Variants in DMD observed in about 807,000 individuals in gnomAD.
The protein encoded by DMD is dystrophin.
A neutral mutation model predicts 330.1 loss-of-function variants in DMD; 63 were observed. The ratio of observed to expected loss-of-function variants is 0.19; its 90% CI spans 0.16 to 0.24. DMD has a LOEUF of 0.24. DMD is among the 10% of genes least tolerant of loss of function. The pLI is 1.00. For synonymous variants in DMD, 1,223 were observed against 959.8 expected (o/e 1.27, Z -5.07); for missense variants, 3,344 against 2,684.1 (o/e 1.25, Z -5.43).
chrX:31,611,272 G>A (rs774792396), intron 55 of DMD, among the ~76,000 whole-genome samples: 4 of 110,066 alleles, frequency 3.6e-5, no homozygotes, highest in South Asian at 3.9e-4. Flanking sequence ...GATGGTGTCC[G>A]TGGTATGTAA....
chrX:32,557,325 T>C (rs1387327299), intron 16 of DMD, among the ~76,000 whole-genome samples: 1 of 111,974 alleles, frequency 8.9e-6, no homozygotes, highest in Non-Finnish European at 1.9e-5. Flanking sequence ...CACACATATA[T>C]AAATTCAGAA....
At chrX:32,319,082 T>C (rs1168573225) in intron 41 of DMD, among the ~76,000 whole-genome samples, 1 of 111,838 alleles carries the variant, frequency 8.9e-6, no homozygotes, top group East Asian at 2.8e-4. Context: ...GTTTAAAGTC[T>C]TTCGTTTCAA....
intron 44 of DMD, among the ~76,000 whole-genome samples, chrX:32,200,035 T>G (rs2147705766): frequency 9.0e-6 from 1 of 111,252 alleles, no homozygotes; most frequent in South Asian, 3.8e-4. Flanking sequence ...GATATTGAAC[T>G]TCTTTTCATT....
chrX:32,700,611 G>A (rs897118844), intron 7 of DMD, among the ~76,000 whole-genome samples: 1 of 111,651 alleles, frequency 9.0e-6, no homozygotes, highest in African/African-American at 3.2e-5. Flanking sequence ...TTAGTTCAAT[G>A]TAGCCATTCC....
At chrX:32,596,536 C>CT (rs34125114) in intron 12 of DMD, among the ~76,000 whole-genome samples, 38,406 of 107,768 alleles carry the variant, frequency 0.36, 6,349 homozygotes, top group African/African-American at 0.61. Flanking sequence ...CTATGTGCTA[C>CT]TTTTTTTATT....
chrX:31,967,355 T>TGTGTGC (rs1168412972), intron 45 of DMD, among the ~76,000 whole-genome samples: 1 of 92,320 alleles, frequency 1.1e-5, no homozygotes, highest in Admixed American at 1.2e-4. Flanking sequence ...TGTGTGTGTG[T>TGTGTGC]TTAGGTCAAC....
At chrX:32,457,480 A>G (rs1459959664) in intron 25 of DMD, among the ~76,000 whole-genome samples, 1 of 110,801 alleles carries the variant, frequency 9.0e-6, no homozygotes, top group Non-Finnish European at 1.9e-5. Context: ...CGTGGAGAAG[A>G]TGTAGGAGGT....
At chrX:32,624,227 G>A (rs938697264) in intron 11 of DMD, among the ~76,000 whole-genome samples, 2 of 111,876 alleles carry the variant, frequency 1.8e-5, no homozygotes, top group African/African-American at 6.5e-5. Context: ...AAAGCAAAAG[G>A]TGAATGGAGT....
chrX:32,079,805 A>G (rs2096379067), intron 44 of DMD, among the ~76,000 whole-genome samples: 1 of 111,749 alleles, frequency 8.9e-6, no homozygotes, highest in Non-Finnish European at 1.9e-5. Flanking sequence ...TGTAATATCC[A>G]TGTCGATACA....
intron 15 of DMD, 81 bp downstream of exon 15, chrX:32,573,449 T>C: frequency 1.3e-6 from 1 of 742,121 alleles, no homozygotes; most frequent in Non-Finnish European, 2.1e-6. Context: ...TAATATTCAA[T>C]AGCATAGAAG....
At chrX:31,474,575 T>A (rs1300898168) in intron 59 of DMD, among the ~76,000 whole-genome samples, 1 of 104,517 alleles carries the variant, frequency 9.6e-6, no homozygotes, top group Non-Finnish European at 2.0e-5. Flanking sequence ...CTGGGCATGG[T>A]GGTGGGCGCC....
At chrX:31,690,149 C>A (rs1292222082) in intron 52 of DMD, among the ~76,000 whole-genome samples, 1 of 111,820 alleles carries the variant, frequency 8.9e-6, no homozygotes, top group Non-Finnish European at 1.9e-5. Flanking sequence ...AGCTTCTGCA[C>A]AGCAAAAGAA....
chrX:31,480,957 A>G (rs2068239409), intron 57 of DMD, among the ~76,000 whole-genome samples: 1 of 112,123 alleles, frequency 8.9e-6, no homozygotes, highest in African/African-American at 3.2e-5. Context: ...ATCACATAGA[A>G]TTCAAAAGCA....
intron 45 of DMD, among the ~76,000 whole-genome samples, chrX:31,943,787 A>G (rs1358240220): frequency 3.6e-5 from 4 of 109,740 alleles, no homozygotes; most frequent in African/African-American, 1.3e-4. Context: ...CACCCCCAGA[A>G]AAAATGTCAT....
chrX:31,513,983 G>C (rs986256790), intron 55 of DMD, among the ~76,000 whole-genome samples: 2 of 112,077 alleles, frequency 1.8e-5, no homozygotes, highest in African/African-American at 6.5e-5. Context: ...TTAGCCACTA[G>C]GCTATATTAC....
At chrX:31,882,440 T>G (rs772399875) in intron 47 of DMD, among the ~76,000 whole-genome samples, 1 of 111,569 alleles carries the variant, frequency 9.0e-6, no homozygotes, top group South Asian at 3.7e-4. Context: ...AATAAAGTTT[T>G]CAAAAGAAAA....
chrX:32,595,691 A>C, intron 13 of DMD, 66 bp downstream of exon 13: 1 of 1,097,840 alleles, frequency 9.1e-7, no homozygotes, highest in Non-Finnish European at 1.3e-6. Flanking sequence ...CTAAATTTTT[A>C]AAATACTTTT....
chrX:31,433,918 A>T (rs2064276257), intron 60 of DMD, among the ~76,000 whole-genome samples: 1 of 111,931 alleles, frequency 8.9e-6, no homozygotes, highest in Non-Finnish European at 1.9e-5. Flanking sequence ...GTTTTCAGTA[A>T]CATTTTAACT....
intron 1 of DMD, among the ~76,000 whole-genome samples, chrX:33,100,376 T>G (rs113743855): frequency 0.016 from 1,779 of 112,126 alleles, 38 homozygotes; most frequent in African/African-American, 0.054. Flanking sequence ...TCTTTAAATA[T>G]CATGTATTTC....
Sources: allele counts gnomAD v4.1 joint callset (sites outside exome capture counted in the v4.1 genomes callset), GRCh38; gene constraint gnomAD v4.1.1; transcripts MANE v1.5; gene names NCBI Gene and HGNC (gene_info 2026-07-23, HGNC 2026-07-21).